Variants in LHX8 observed in about 807,000 individuals in gnomAD.
LHX8 encodes the protein LIM/homeobox protein Lhx8.
In LHX8, 12 loss-of-function variants were observed where a neutral mutation model predicts 40.3. That is an observed-to-expected ratio of 0.30 (90% confidence interval 0.19 to 0.48). The LOEUF is 0.48. Ranked by LOEUF, LHX8 falls within the 20% of genes least tolerant of loss-of-function variation. The pLI, the probability that LHX8 is intolerant of heterozygous loss-of-function variation, is 0.99. For missense variants in LHX8, 344 were observed against 433.7 expected, an observed-to-expected ratio of 0.79 and a Z score of 1.84; for synonymous variants, 179 against 162.0, an observed-to-expected ratio of 1.10 and a Z score of -0.80.
the LHX8 span, among the ~76,000 whole-genome samples, chr1:75,171,042 A>G: frequency 3.3e-5 from 5 of 151,966 alleles, no homozygotes; most frequent in Admixed American, 1.3e-4. Flanking sequence ...TTCTTTTTTC[A>G]CCACATATGA....
chr1:75,184,780 G>C, the LHX8 span, among the ~76,000 whole-genome samples: 3 of 147,696 alleles, frequency 2.0e-5, no homozygotes, highest in African/African-American at 7.4e-5. Context: ...TGGAGACCAA[G>C]ACACAAAAGA....
chr1:75,186,223 T>C, the LHX8 span, among the ~76,000 whole-genome samples: 1 of 151,946 alleles, frequency 6.6e-6, no homozygotes, highest in Admixed American at 6.6e-5. Flanking sequence ...CAGAAAGAAC[T>C]CAAACAACCA....
At chr1:75,144,004 A>G in intron 6 of LHX8, 56 bp downstream of exon 6, 1 of 1,357,112 alleles carries the variant, frequency 7.4e-7, no homozygotes, top group Non-Finnish European at 1.1e-6. Flanking sequence ...AAAAAAACAA[A>G]AAGTAACCTC....
At chr1:75,192,246 G>A in the LHX8 span, among the ~76,000 whole-genome samples, 11 of 152,266 alleles carry the variant, frequency 7.2e-5, no homozygotes, top group Middle Eastern at 3.4e-3. Flanking sequence ...TTGGTATGCC[G>A]ATACCAAGTA....
chr1:75,156,470 C>T lies in LHX8; in HGVS notation c.781-423C>T, dbSNP rs918780923. Reference sequence around the variant, plus strand: ...TTGGCCAGGCTGGTATTGAACCCCTCACCTCAGGTGATCTGCCTGCCTCAG... The same window carrying T: ...TTGGCCAGGCTGGTATTGAACCCCTTACCTCAGGTGATCTGCCTGCCTCAG... On this transcript the variant is annotated intron_variant, in intron 7 of 8. Transcript: ENST00000356261. Among the ~76,000 whole-genome samples the T allele has an allele frequency of 2.0e-5, 3 of 152,070 alleles. No homozygotes were observed. In the South Asian group the frequency reaches 6.2e-4, roughly 32 times the overall value.
chr1:75,155,342 C>T (rs958136576), intron 7 of LHX8, among the ~76,000 whole-genome samples: 1 of 143,408 alleles, frequency 7.0e-6, no homozygotes, highest in Non-Finnish European at 1.5e-5. Flanking sequence ...TCACTCCATT[C>T]TCCTGCCTCA....
chr1:75,193,822 C>CAA, the LHX8 span, among the ~76,000 whole-genome samples: 1 of 152,128 alleles, frequency 6.6e-6, no homozygotes. Flanking sequence ...TTGTGTTACT[C>CAA]AAAATTTTAT....
At chr1:75,197,522 T>C in the LHX8 span, among the ~76,000 whole-genome samples, 3 of 152,354 alleles carry the variant, frequency 2.0e-5, no homozygotes, top group African/African-American at 7.2e-5. Context: ...TGCCTATCTA[T>C]AGTTGTTTAA....
chr1:75,192,003 C>T, the LHX8 span, among the ~76,000 whole-genome samples: 1 of 152,058 alleles, frequency 6.6e-6, no homozygotes, highest in African/African-American at 2.4e-5. Flanking sequence ...AAAAATGTTA[C>T]ATATTTGAAT....
chr1:75,185,904 G>C, the LHX8 span, among the ~76,000 whole-genome samples: 1 of 152,076 alleles, frequency 6.6e-6, no homozygotes, highest in African/African-American at 2.4e-5. Flanking sequence ...ACCAATAATA[G>C]CCAAGCCAAG....
chr1:75,182,540 A>G, the LHX8 span, among the ~76,000 whole-genome samples: 1 of 151,708 alleles, frequency 6.6e-6, no homozygotes, highest in African/African-American at 2.4e-5. Context: ...CACCCAGTTA[A>G]CTTTGTATTT....
In LHX8 at chr1:75,135,176, A is replaced by G. The variant is rs541160169; in HGVS notation, c.-13+222A>G. Among the ~76,000 whole-genome samples the G allele has an allele frequency of 4.6e-5, 7 of 152,362 alleles. No homozygotes were observed. In the South Asian group the frequency reaches 1.4e-3, roughly 32 times the overall value. ...GGAGAGCCATTTTACCTAAAATGCC[A>G]AAAGAAAACCGCAGGGCACAAAACG... is the stretch of plus-strand genomic sequence containing the variant. On this transcript the variant is annotated intron_variant, in intron 1 of 8. Transcript: ENST00000356261.
Position 75,136,649 on chromosome 1 carries a change from C to T in LHX8, c.35C>T (p.Ala12Val), listed in dbSNP as rs1409443237. 2 of 1,548,952 alleles carry T rather than the reference C, an allele frequency of 1.3e-6. No individual in the cohort carries two copies. The highest frequency in any genetic ancestry group is 2.4e-5 in the East Asian group (1 of 40,874). ...GAGTGCGGGCGGACTACAGCCCTGG[C>T]GGCCGGGAGGACTCGCAAAGGCGCC... ...SEECGRTTAL[A>V]AGRTRKGAGE... Residue 12 changes from alanine to valine, a missense_variant, in exon 2 of 9, where the codon GCG (alanine) becomes GTG (valine). Around this residue, in one of 3 missense-constraint regions of LHX8, gnomAD observed 108 missense variants for 90.1 expected, o/e 1.20. Coordinates refer to ENST00000356261, the MANE Select transcript of LHX8 (RefSeq NM_001256114.2).
At chr1:75,169,325 G>T in the LHX8 span, among the ~76,000 whole-genome samples, 1 of 152,128 alleles carries the variant, frequency 6.6e-6, no homozygotes, top group Non-Finnish European at 1.5e-5. Flanking sequence ...TTAATCTCAC[G>T]GAGCCTGTTT....
chr1:75,130,478 T>C, upstream of LHX8: 1 of 582,280 alleles, frequency 1.7e-6, no homozygotes. Flanking sequence ...GTGTCCCGCG[T>C]GGAGCAGGCT....
the LHX8 span, among the ~76,000 whole-genome samples, chr1:75,185,756 T>G: frequency 6.6e-6 from 1 of 152,150 alleles, no homozygotes; most frequent in African/African-American, 2.4e-5. Context: ...AGTCAAATTT[T>G]TCCTGTTTGC....
chr1:75,180,323 A>G, the LHX8 span, among the ~76,000 whole-genome samples: 1 of 152,338 alleles, frequency 6.6e-6, no homozygotes, highest in Non-Finnish European at 1.5e-5. Context: ...ACTTTCAGGT[A>G]CACCAATCAA....
At chr1:75,150,522 G>A (rs1648577445) in intron 7 of LHX8, among the ~76,000 whole-genome samples, 1 of 152,078 alleles carries the variant, frequency 6.6e-6, no homozygotes. Flanking sequence ...CAGGGTAAGA[G>A]GTGCTATTTA....
the LHX8 span, among the ~76,000 whole-genome samples, chr1:75,179,431 CT>C: frequency 1.1e-3 from 169 of 151,152 alleles, no homozygotes; most frequent in Admixed American, 3.5e-3. Flanking sequence ...ATGTAATGGC[CT>C]TCCTTGTCTC....
Sources: allele counts gnomAD v4.1 joint callset (sites outside exome capture counted in the v4.1 genomes callset), GRCh38; gene constraint gnomAD v4.1.1; regional missense constraint gnomAD v4.1.1; transcripts MANE v1.5; gene names NCBI Gene and HGNC (gene_info 2026-07-23, HGNC 2026-07-21).